RIC1: variants seen among roughly 807,000 people sequenced by gnomAD.
The protein encoded by RIC1 is guanine nucleotide exchange factor subunit RIC1.
In RIC1, 88 loss-of-function variants were observed where a neutral mutation model predicts 169.0. The observed-to-expected ratio is 0.52, with a 90% CI of 0.44 to 0.62. The LOEUF (loss-of-function observed/expected upper bound fraction) is 0.62. RIC1 is among the 20% of genes least tolerant of loss of function. The pLI is 0.00. For missense variants in RIC1, 1,877 were observed against 1,725.5 expected, an observed-to-expected ratio of 1.09 and a Z score of -1.56; for synonymous variants, 790 against 601.5, an observed-to-expected ratio of 1.31 and a Z score of -4.59.
chr9:5,750,039 A>G (rs1825632044), intron 12 of RIC1, among the ~76,000 whole-genome samples: 1 of 151,956 alleles, frequency 6.6e-6, no homozygotes, highest in South Asian at 2.1e-4. Context: ...AGCCTCCCAA[A>G]GTACTGGGAT....
chr9:5,693,271 G>A (rs1043529062), intron 3 of RIC1, among the ~76,000 whole-genome samples: 1 of 152,108 alleles, frequency 6.6e-6, no homozygotes. Context: ...TTTTTCTAGA[G>A]TATCTTAACT....
intron 6 of RIC1, among the ~76,000 whole-genome samples, chr9:5,723,676 G>T (rs949185600): frequency 6.6e-6 from 1 of 152,164 alleles, no homozygotes; most frequent in African/African-American, 2.4e-5. Flanking sequence ...TTCTTCTAGG[G>T]TTTTTATGGT....
In RIC1 at chr9:5,745,999, G is replaced by A; in HGVS notation, c.1164G>A (p.Glu388=). The change falls in exon 11 of 26, where the codon GAG becomes GAA. Residue 388 remains glutamate, a synonymous_variant. Transcript: ENST00000414202. The part of the protein sequence containing the change: ...SGFGSQNTEI[E]SDLRSVVKQP... ...TTGGTTCTCAAAACACTGAAATTGA[G>A]TCTGACCTCAGGAGTGTAGTTAAAC... 1.9e-6 allele frequency: 3 copies of A among 1,613,670 alleles called. No homozygotes were observed. Among genetic ancestry groups the A allele is most frequent in the South Asian group, 1.1e-5 (1 of 91,062 alleles).
At chr9:5,778,296 A>G (rs1163762196), downstream of RIC1, among the ~76,000 whole-genome samples, 1 of 152,088 alleles carries the variant, frequency 6.6e-6, no homozygotes, top group Non-Finnish European at 1.5e-5. Flanking sequence ...TTTTTTGTGG[A>G]TTCCTTAGGA....
Position 5,774,354 on chromosome 9 carries a change from T to G in RIC1, c.*108T>G. The G allele has an allele frequency of 2.2e-6, 2 of 908,482 alleles. No individual in the cohort carries two copies. The highest frequency in any genetic ancestry group is 1.6e-6 in the Non-Finnish European group (1 of 614,098). 56.3% of individuals were successfully genotyped at this position (908,482 alleles called of 1,614,324 possible). ...ACAGGAGAACTCAGTTCAGAGACTC[T>G]TCGGTAAGTATTAGTAGATTTTAAC... is the stretch of plus-strand genomic sequence containing the variant. On this transcript the variant is annotated 3_prime_UTR_variant, in exon 26 of 26. Coordinates refer to ENST00000414202, the MANE Select transcript of RIC1 (RefSeq NM_020829.4).
chr9:5,687,613 T>C (rs1054695397), intron 2 of RIC1, among the ~76,000 whole-genome samples: 3 of 152,172 alleles, frequency 2.0e-5, no homozygotes, highest in African/African-American at 7.2e-5. Context: ...TTCAAAATAT[T>C]TGTGGGCTTT....
chr9:5,769,023 G>A lies in RIC1; in HGVS notation c.3191G>A (p.Trp1064Ter), dbSNP rs1232580628. 1 of 1,614,024 alleles carries A rather than the reference G, an allele frequency of 6.2e-7. No individual in the cohort carries two copies. Among genetic ancestry groups the A allele is most frequent in the Non-Finnish European group, 8.5e-7 (1 of 1,179,936 alleles). ...AENMYIDMMLWRHARRLLEDV... is the reference protein window; with the variant it reads ...AENMYIDMML ...AACATGTATATTGACATGATGCTCT[G>A]GAGACATGCTCGGCGCCTCTTAGAA... Residue 1064 changes from tryptophan to a stop codon, truncating the protein, a stop_gained, in exon 22 of 26, where the codon TGG becomes TAG. Coordinates refer to ENST00000414202, the MANE Select transcript of RIC1 (RefSeq NM_020829.4). LOFTEE classifies it high-confidence loss of function.
intron 12 of RIC1, among the ~76,000 whole-genome samples, chr9:5,751,520 T>C (rs1825722252): frequency 6.6e-6 from 1 of 151,732 alleles, no homozygotes; most frequent in Non-Finnish European, 1.5e-5. Flanking sequence ...CACGCCTGGC[T>C]AATTTTTGTA....
rs59648906 is a variant in RIC1 at position 5,673,535 on chromosome 9, G to GATATATATATATATAT, written c.253-16416_253-16401dup. Among the ~76,000 whole-genome samples, 225 of 119,250 alleles carry GATATATATATATATAT rather than the reference G, an allele frequency of 1.9e-3. 8 individuals carry two copies. Among genetic ancestry groups the GATATATATATATATAT allele is most frequent in the African/African-American group, 4.0e-3 (110 of 27,572 alleles). The allele number at this position is 119,250 out of a possible 152,430, so 78.2% of individuals were successfully genotyped here. A position where few individuals can be genotyped will look rare whatever the true frequency, so the allele number is the denominator to read the frequency against. On this transcript the variant is annotated intron_variant, in intron 2 of 25. Coordinates refer to ENST00000414202, the MANE Select transcript of RIC1 (RefSeq NM_020829.4). Reference sequence around the variant, plus strand: ...ATATATATGCACCAAAACATAAGGAGATATATATATATATATATATATAAA... The same window carrying GATATATATATATATAT: ...ATATATATGCACCAAAACATAAGGAGATATATATATATATATATATATATATATATATATATATAAA...
chr9:5,750,576 G>C (rs1047492897), intron 12 of RIC1, among the ~76,000 whole-genome samples: 7 of 151,764 alleles, frequency 4.6e-5, no homozygotes, highest in Non-Finnish European at 2.9e-5. Flanking sequence ...AACTAATCTA[G>C]GCAGGAGACA....
intron 3 of RIC1, among the ~76,000 whole-genome samples, chr9:5,707,976 GTTGTTGTTGTTGTTTTTA>G (rs1822694277): frequency 1.3e-5 from 2 of 151,858 alleles, no homozygotes; most frequent in South Asian, 2.1e-4. Context: ...CCTTTTTGTT[GTTGTTGTTGTTGTTTTTA>G]TTGTTGTTGT....
At chr9:5,688,946 A>G (rs968030341) in intron 2 of RIC1, among the ~76,000 whole-genome samples, 1 of 152,190 alleles carries the variant, frequency 6.6e-6, no homozygotes, top group African/African-American at 2.4e-5. Flanking sequence ...TTGTACTTAC[A>G]GAAATGTAAA....
chr9:5,641,637 A>AAGCAAAG (rs1422082402), intron 1 of RIC1, among the ~76,000 whole-genome samples: 1 of 115,272 alleles, frequency 8.7e-6, no homozygotes, highest in African/African-American at 5.2e-5. Context: ...TCCTCTGACT[A>AAGCAAAG]TATTGTCAAG....
At chr9:5,700,859 T>G (rs1225119256) in intron 3 of RIC1, among the ~76,000 whole-genome samples, 1 of 152,248 alleles carries the variant, frequency 6.6e-6, no homozygotes, top group Admixed American at 6.5e-5. Flanking sequence ...AAATTTTTTC[T>G]TTTCCATGTA....
intron 4 of RIC1, 122 bp downstream of exon 4, chr9:5,714,125 G>A (rs1823097864): frequency 1.8e-6 from 1 of 552,800 alleles, no homozygotes; most frequent in Non-Finnish European, 3.1e-6. Context: ...TCTTAGTTCT[G>A]GAAATGCTTG....
Position 5,718,003 on chromosome 9 carries a change from GGTGGC to G in RIC1, c.441-2175_441-2171del, listed in dbSNP as rs377517281. Among the ~76,000 whole-genome samples the G allele has an allele frequency of 1.3e-3, 194 of 151,976 alleles. 1 individual carries two copies. The highest frequency in any genetic ancestry group is 4.3e-3 in the African/African-American group (177 of 41,484). On this transcript the variant is annotated intron_variant, in intron 4 of 25. Coordinates refer to ENST00000414202, the MANE Select transcript of RIC1 (RefSeq NM_020829.4). ...AAAAATACAAAAATTAGCTGGGCATGGTGGCGTGCGCCTGTAATCCCAGCTACTAG... is the reference window on the plus strand; with the variant it reads ...AAAAATACAAAAATTAGCTGGGCATGGTGCGCCTGTAATCCCAGCTACTAG...
At position 5,720,417 on chromosome 9, in the gene RIC1, C is replaced by T. The variant is rs568408400; in HGVS notation, c.583+93C>T. On this transcript the variant is annotated intron_variant, in intron 5 of 25. Transcript: ENST00000414202. ...ATGGATGAACACTTCTTTGGAATTA[C>T]TTATGCAAGGGGAGAGGTGGGCAGA... The T allele has an allele frequency of 1.8e-5, 24 of 1,335,814 alleles. No individual in the cohort carries two copies. In the South Asian group the frequency reaches 3.0e-4, roughly 16 times the overall value. 82.7% of individuals were successfully genotyped at this position (1,335,814 alleles called of 1,614,324 possible). A position where few individuals can be genotyped will look rare whatever the true frequency, so the allele number is the denominator to read the frequency against.
At position 5,738,543 on chromosome 9, in the gene RIC1, GTC is replaced by G. The variant is rs773083057; in HGVS notation, c.901+7_901+8del. ...TAACAGCAAAACAGTATCCTGGTGA[GTC>G]TTTTTTTTTTTTTTTTTTTTTAACA... On this transcript the variant is annotated splice_donor_region_variant and intron_variant, in intron 8 of 25. Coordinates refer to ENST00000414202, the MANE Select transcript of RIC1 (RefSeq NM_020829.4). The G allele has an allele frequency of 7.1e-5, 63 of 893,390 alleles. No homozygotes were observed. The highest frequency in any genetic ancestry group is 3.1e-4 in the Middle Eastern group (1 of 3,258). 55.3% of individuals were successfully genotyped at this position (893,390 alleles called of 1,614,324 possible). A position where few individuals can be genotyped will look rare whatever the true frequency, so the allele number is the denominator to read the frequency against.
rs1563731063 is a variant in RIC1 at position 5,774,169 on chromosome 9, CG to C, written c.4197del (p.Glu1401ArgfsTer36). The C allele has an allele frequency of 1.2e-6, 2 of 1,613,898 alleles. No homozygotes were observed. The highest frequency in any genetic ancestry group is 1.7e-6 in the Non-Finnish European group (2 of 1,179,926). On this transcript the variant is annotated frameshift_variant, in exon 26 of 26. Transcript: ENST00000414202. LOFTEE classifies it high-confidence loss of function. ...AGTTGGAAGCAGCAATATGGTCAGC[CG>C]GAAAGAGGAGGACACAGCCCAAGCA... ...GEVGSSNMVS[R>X]KEEDTAQAEE...
Sources: gnomAD v4.1 joint callset for allele counts (sites outside exome capture counted in the v4.1 genomes callset) on GRCh38, gnomAD v4.1.1 for gene constraint, MANE v1.5 for transcripts, NCBI Gene and HGNC (gene_info 2026-07-23, HGNC 2026-07-21) for gene names.